The following CACNA1A variants were observed in gnomAD, a reference collection of about 807,000 sequenced individuals.
The protein encoded by CACNA1A is calcium voltage-gated channel subunit alpha1 A, also known as voltage-dependent P/Q-type calcium channel subunit alpha-1A.
Under a neutral mutation model 262.4 loss-of-function variants are expected in CACNA1A, and 57 were observed. That is an observed-to-expected ratio of 0.22 (90% CI 0.18 to 0.27). The LOEUF is 0.27. Among genes scored for constraint, CACNA1A ranks in the 10% least tolerant of loss-of-function variants. The probability of loss-of-function intolerance (pLI) is 1.00; values close to 1 mark genes in which losing one functional copy is unlikely to be tolerated. For missense variants in CACNA1A, 2,526 were observed against 3,562.8 expected, an observed-to-expected ratio of 0.71 and a Z score of 7.41; for synonymous variants, 1,431 against 1,419.3, an observed-to-expected ratio of 1.01 and a Z score of -0.18.
At chr19:13,293,809 T>C (rs1162950800) in intron 19 of CACNA1A, among the ~76,000 whole-genome samples, 1 of 138,900 alleles carries the variant, frequency 7.2e-6, no homozygotes, top group African/African-American at 2.7e-5. Flanking sequence ...ATCTTCATTT[T>C]ATAGATGAGG....
chr19:13,259,614 C>T lies in CACNA1A; in HGVS notation c.4338G>A (p.Leu1446=), dbSNP rs371952826. The change falls in exon 27 of 47, where the codon CTG becomes CTA. Residue 1446 remains leucine, a synonymous_variant. Coordinates refer to ENST00000360228, the MANE Select transcript of CACNA1A (RefSeq NM_001127222.2). ...CGGTGAAGAGGGTCAGCAGAGCCCA[C>T]AGCACATTGTCGTAATGGAATTCAT... The part of the protein sequence containing the change: ...KKYEFHYDNV[L]WALLTLFTVS... 99 of 1,610,624 alleles carry T rather than the reference C, an allele frequency of 6.1e-5. No individual in the cohort carries two copies. Among genetic ancestry groups the T allele is most frequent in the Admixed American group, 1.0e-4 (6 of 59,586 alleles).
chr19:13,382,829 T>G (rs2059546553), intron 3 of CACNA1A, among the ~76,000 whole-genome samples: 1 of 152,202 alleles, frequency 6.6e-6, no homozygotes, highest in Non-Finnish European at 1.5e-5. Flanking sequence ...CCAGGGAGCC[T>G]GCCTGGGCTC....
chr19:13,448,922 C>A (rs549819974), intron 3 of CACNA1A, among the ~76,000 whole-genome samples: 1 of 152,020 alleles, frequency 6.6e-6, no homozygotes, highest in Non-Finnish European at 1.5e-5. Flanking sequence ...AAAAACAGTA[C>A]CACATATCTC....
In CACNA1A at chr19:13,235,604, G is replaced by A. The variant is rs549805937; in HGVS notation, c.5067+10C>T. ...TCAGCCCTGGGCCAGCAGCAGGGAC[G>A]AGGACTCACCTTGAAGGACTGCACA... On this transcript the variant is annotated intron_variant, in intron 32 of 46. Coordinates refer to ENST00000360228, the MANE Select transcript of CACNA1A (RefSeq NM_001127222.2). 21 of 1,582,672 alleles carry A rather than the reference G, an allele frequency of 1.3e-5. No homozygotes were observed. The highest frequency in any genetic ancestry group is 1.2e-4 in the South Asian group (11 of 90,404).
Position 13,207,893 on chromosome 19 carries a change from TGCTGC to T in CACNA1A, c.6936_6940del (p.Gln2313AlafsTer188). The stretch of plus-strand genomic sequence containing the variant: ...CTGCTGCTGCTGCTGCTGCTGCTGC[TGCTGC>T]GGGGGCCCCGAGCCGCCGGCCTTAC... On this transcript the variant is annotated frameshift_variant, in exon 47 of 47. Transcript: ENST00000360228. LOFTEE classifies it low-confidence loss of function (END_TRUNC). This position sits in a 1 kb window ranked among gnomAD's most constrained non-coding sequence, Gnocchi z 5.7. The T allele has an allele frequency of 1.5e-6, 2 of 1,342,914 alleles. No individual in the cohort carries two copies. The highest frequency in any genetic ancestry group is 1.9e-6 in the Non-Finnish European group (2 of 1,040,722). 83.2% of individuals were successfully genotyped at this position (1,342,914 alleles called of 1,614,324 possible).
At chr19:13,269,857 G>A (rs1432056477) in intron 24 of CACNA1A, among the ~76,000 whole-genome samples, 2 of 152,238 alleles carry the variant, frequency 1.3e-5, no homozygotes, top group East Asian at 1.9e-4. Flanking sequence ...TCCCTTGGTG[G>A]GACCACAGGG....
intron 2 of CACNA1A, among the ~76,000 whole-genome samples, chr19:13,453,473 A>G (rs192323015): frequency 2.6e-5 from 4 of 152,368 alleles, no homozygotes; most frequent in Admixed American, 2.6e-4. Context: ...GCATTGGTTT[A>G]GAGAATTTAC....
chr19:13,235,295 G>A, intron 32 of CACNA1A, 21 bp from the exon 33 acceptor site: 5 of 1,568,558 alleles, frequency 3.2e-6, no homozygotes, highest in Non-Finnish European at 3.5e-6. Context: ...AAAAGGCAAT[G>A]AAGAAGAGTG....
At chr19:13,411,075 ATTCC>A in intron 3 of CACNA1A, among the ~76,000 whole-genome samples, 1 of 152,256 alleles carries the variant, frequency 6.6e-6, no homozygotes, top group South Asian at 2.1e-4. Flanking sequence ...TTAGACTCCA[ATTCC>A]TATTAGGCTG....
chr19:13,506,274 A>AGACGCCGCCGCC lies in CACNA1A; in HGVS notation c.-62_-51dup. ...GTTACGCTGCGGCGAACGATGCGGA[A>AGACGCCGCCGCC]GACGCCGCCGCCGCCGCCGCCGCCG... On this transcript the variant is annotated 5_prime_UTR_variant, in exon 1 of 47. Transcript: ENST00000360228. The AGACGCCGCCGCC allele has an allele frequency of 7.3e-7, 1 of 1,371,784 alleles. No homozygotes were observed. The highest frequency in any genetic ancestry group is 9.4e-7 in the Non-Finnish European group (1 of 1,066,458). The allele number at this position is 1,371,784 out of a possible 1,614,324, so 85.0% of individuals were successfully genotyped here.
chr19:13,474,566 C>G (rs1459206756), intron 1 of CACNA1A, among the ~76,000 whole-genome samples: 1 of 152,202 alleles, frequency 6.6e-6, no homozygotes, highest in Admixed American at 6.5e-5. Flanking sequence ...CGCCTGTAAT[C>G]CCAGCACTTT....
chr19:13,207,197 G>A lies in CACNA1A; in HGVS notation c.*116C>T. ...GCCTCTCCAGAGTCTGGGGTCTCCC[G>A]GCTGGCCCTCTCCCGGGCCCTCTGT... On this transcript the variant is annotated 3_prime_UTR_variant, in exon 47 of 47. Coordinates refer to ENST00000360228, the MANE Select transcript of CACNA1A (RefSeq NM_001127222.2). This position sits in a 1 kb window ranked among gnomAD's most constrained non-coding sequence, Gnocchi z 5.7. 4 of 1,149,524 alleles carry A rather than the reference G, an allele frequency of 3.5e-6. No individual in the cohort carries two copies. Among genetic ancestry groups the A allele is most frequent in the Admixed American group, 7.1e-5 (2 of 28,050 alleles). 71.2% of individuals were successfully genotyped at this position (1,149,524 alleles called of 1,614,324 possible).
intron 30 of CACNA1A, among the ~76,000 whole-genome samples, chr19:13,246,717 C>T (rs560487450): frequency 7.2e-4 from 110 of 152,106 alleles, no homozygotes; most frequent in Non-Finnish European, 1.3e-3. Context: ...GCTCTGCCTC[C>T]CGGGTTCACA....
chr19:13,285,150 C>T lies in CACNA1A; in HGVS notation c.3610G>A (p.Glu1204Lys). 6.2e-7 allele frequency: 1 copy of T among 1,613,932 alleles called. No individual in the cohort carries two copies. Among genetic ancestry groups the T allele is most frequent in the East Asian group, 2.2e-5 (1 of 44,878 alleles). ...LPKKEEEKKE[E>K]EEDDRGEDGP... ...TCTTCCCCACGGTCGTCTTCCTCCT[C>T]CTCCTTCTTCTCTTCCTCTTTTTTT... is the stretch of plus-strand genomic sequence containing the variant. The change falls in exon 21 of 47, where the codon GAG becomes AAG. Residue 1204 changes from glutamate (E) to lysine (K), a missense_variant. This residue lies in a region of CACNA1A where 765 missense variants were observed against 748.6 expected (regional missense o/e 1.02). Transcript: ENST00000360228.
chr19:13,455,079 G>A (rs1392743916), intron 2 of CACNA1A, 28 bp downstream of exon 2: 1 of 1,398,256 alleles, frequency 7.2e-7, no homozygotes. Context: ...AAGCCAAGGA[G>A]AAGACCCTGA....
At chr19:13,281,858 G>A (rs1218937309) in intron 22 of CACNA1A, among the ~76,000 whole-genome samples, 2 of 152,176 alleles carry the variant, frequency 1.3e-5, no homozygotes, top group African/African-American at 4.8e-5. Flanking sequence ...CAGTCCCTGG[G>A]GCCTGGTCTG....
chr19:13,361,812 C>A (rs1201902711), intron 5 of CACNA1A, among the ~76,000 whole-genome samples: 1 of 152,160 alleles, frequency 6.6e-6, no homozygotes, highest in African/African-American at 2.4e-5. Context: ...ACATAAGGCT[C>A]AGGGCAGAGA....
At chr19:13,219,755 C>T (rs902513654) in intron 38 of CACNA1A, among the ~76,000 whole-genome samples, 3 of 151,154 alleles carry the variant, frequency 2.0e-5, no homozygotes, top group African/African-American at 7.3e-5. Flanking sequence ...GAGATCGAGA[C>T]CATCCTGCTA....
intron 15 of CACNA1A, among the ~76,000 whole-genome samples, chr19:13,304,112 T>C (rs1219514688): frequency 6.6e-6 from 1 of 152,004 alleles, no homozygotes; most frequent in Non-Finnish European, 1.5e-5. Context: ...TAGCCTGGCT[T>C]CTAGGAAAAT....
Sources: allele counts gnomAD v4.1 joint callset (sites outside exome capture counted in the v4.1 genomes callset), GRCh38; gene constraint gnomAD v4.1.1; regional missense constraint gnomAD v4.1.1; non-coding constraint Gnocchi (gnomAD v3.1); transcripts MANE v1.5; gene names NCBI Gene and HGNC (gene_info 2026-07-23, HGNC 2026-07-21).